A4GALT: variants seen among roughly 807,000 people sequenced by gnomAD.
A4GALT encodes the protein alpha 1,4-galactosyltransferase (P1PK blood group).
For missense variants in A4GALT, 512 were observed against 486.0 expected, an observed-to-expected ratio of 1.05 and a Z score of -0.50; for synonymous variants, 257 against 220.7, an observed-to-expected ratio of 1.16 and a Z score of -1.46.
chr22:42,702,359 C>T (rs6002913), intron 1 of A4GALT, among the ~76,000 whole-genome samples: 26,503 of 143,776 alleles, frequency 0.18, 5,597 homozygotes, highest in African/African-American at 0.53. Context: ...TTTTTTTTCA[C>T]AGATGGAGTC....
chr22:42,716,020 T>G (rs772617472), intron 1 of A4GALT, among the ~76,000 whole-genome samples: 22 of 151,934 alleles, frequency 1.4e-4, no homozygotes, highest in Admixed American at 3.3e-4. Flanking sequence ...TTAGTAGAGA[T>G]AGGGTTTCTC....
chr22:42,704,899 G>A (rs113920049), intron 1 of A4GALT, among the ~76,000 whole-genome samples: 1 of 151,256 alleles, frequency 6.6e-6, no homozygotes, highest in Non-Finnish European at 1.5e-5. Context: ...CGGCGGAGGC[G>A]GGGGAGCTCA....
intron 1 of A4GALT, among the ~76,000 whole-genome samples, chr22:42,720,031 C>T (rs1178826970): frequency 6.6e-6 from 1 of 152,174 alleles, no homozygotes; most frequent in Non-Finnish European, 1.5e-5. Context: ...GGGGACTCGC[C>T]CTGGCAGTGA....
Position 42,693,025 on chromosome 22 carries a change from A to C in A4GALT, c.927T>G (p.Ser309Arg). Reference protein sequence around the residue: ...INPEELPRLLSATYAVHVWNK... With the variant: ...INPEELPRLLRATYAVHVWNK... ...TCCACACGTGGACAGCATAGGTGGC[A>C]CTGAGCAGCCGCGGCAGCTCCTCGG... is the stretch of plus-strand genomic sequence containing the variant. The change falls in exon 3 of 3, where the codon AGT becomes AGG. Residue 309 changes from serine to arginine, a missense_variant. Ser to Arg is a moderately radical substitution (Grantham distance 110, BLOSUM62 -1). Transcript: ENST00000642412. The C allele has an allele frequency of 1.2e-6, 2 of 1,613,716 alleles. No homozygotes were observed. Among genetic ancestry groups the C allele is most frequent in the Non-Finnish European group, 1.7e-6 (2 of 1,179,952 alleles).
chr22:42,707,245 A>G (rs1921226527), intron 1 of A4GALT, among the ~76,000 whole-genome samples: 1 of 152,216 alleles, frequency 6.6e-6, no homozygotes, highest in Non-Finnish European at 1.5e-5. Flanking sequence ...AATGTCAATA[A>G]CATCCAAAAA....
chr22:42,712,230 T>C (rs1434720417), intron 1 of A4GALT, among the ~76,000 whole-genome samples: 1 of 152,166 alleles, frequency 6.6e-6, no homozygotes, highest in Non-Finnish European at 1.5e-5. Flanking sequence ...GGGGCTGGCT[T>C]CTCAGGGGCA....
intron 1 of A4GALT, among the ~76,000 whole-genome samples, chr22:42,716,175 C>T (rs1033722104): frequency 3.9e-5 from 6 of 152,096 alleles, no homozygotes; most frequent in African/African-American, 1.4e-4. Flanking sequence ...CCCTAACCTG[C>T]TCTCTCCCAC....
At chr22:42,718,092 A>G (rs562603708) in intron 1 of A4GALT, among the ~76,000 whole-genome samples, 8 of 152,254 alleles carry the variant, frequency 5.3e-5, no homozygotes, top group African/African-American at 1.9e-4. Context: ...AGAGCCAAAT[A>G]TATTTTTAAA....
intron 1 of A4GALT, among the ~76,000 whole-genome samples, chr22:42,716,955 T>A (rs738527): frequency 6.6e-6 from 1 of 152,082 alleles, no homozygotes; most frequent in African/African-American, 2.4e-5. Context: ...CCTGGCTCCC[T>A]GTCTGCCAGC....
In A4GALT at chr22:42,693,513, G is replaced by A. The variant is rs753279376; in HGVS notation, c.439C>T (p.Arg147Trp). The change falls in exon 3 of 3, where the codon CGG becomes TGG. Residue 147 changes from arginine to tryptophan, a missense_variant. Transcript: ENST00000642412. Reference protein sequence around the residue: ...PNVQMLPLDLRELFRDTPLAD... With the variant: ...PNVQMLPLDLWELFRDTPLAD... ...AGGGGTGTGTCCCGGAACAGCTCCC[G>A]CAGGTCCAGCGGGAGCATCTGGACA... The A allele has an allele frequency of 6.8e-6, 11 of 1,613,092 alleles. No individual in the cohort carries two copies. In the East Asian group the frequency reaches 8.9e-5, roughly 13 times the overall value.
chr22:42,694,828 T>C (rs1334732300), intron 2 of A4GALT: 1 of 152,126 alleles, frequency 6.6e-6, no homozygotes, highest in Non-Finnish European at 1.5e-5. Context: ...CATTCATTCA[T>C]TCATAGTTCG....
In A4GALT at chr22:42,693,852, C is replaced by CGAAAAACGT. The variant is rs751576287; in HGVS notation, c.91_99dup (p.Thr31_Phe33dup). The CGAAAAACGT allele has an allele frequency of 1.2e-6, 2 of 1,610,348 alleles. No individual in the cohort carries two copies. The highest frequency in any genetic ancestry group is 1.7e-6 in the Non-Finnish European group (2 of 1,178,768). ...ACGTGCCAGTAGATCATGATGGAGA[C>CGAAAAACGT]GAAAAACGTGAACTTGAAGCCGATG... On this transcript the variant is annotated inframe_insertion, in exon 3 of 3. Coordinates refer to ENST00000642412, the MANE Select transcript of A4GALT (RefSeq NM_017436.7).
intron 1 of A4GALT, among the ~76,000 whole-genome samples, chr22:42,697,486 A>G (rs924195405): frequency 4.8e-4 from 73 of 152,164 alleles, no homozygotes; most frequent in African/African-American, 1.6e-3. Flanking sequence ...CAGCAGCAGG[A>G]GCCTCTGCCC....
chr22:42,695,829 C>A (rs1930885527), intron 1 of A4GALT, among the ~76,000 whole-genome samples, 198 bp from the exon 2 acceptor site: 1 of 152,132 alleles, frequency 6.6e-6, no homozygotes. Context: ...CAGACACAGC[C>A]TTTCCCTAAA....
chr22:42,716,057 C>T (rs1009306910), intron 1 of A4GALT, among the ~76,000 whole-genome samples: 4 of 152,266 alleles, frequency 2.6e-5, no homozygotes, highest in African/African-American at 9.6e-5. Flanking sequence ...GTCTCGAACT[C>T]CCGACCTCAG....
At chr22:42,718,752 T>C (rs1488842369) in intron 1 of A4GALT, among the ~76,000 whole-genome samples, 1 of 152,138 alleles carries the variant, frequency 6.6e-6, no homozygotes, top group African/African-American at 2.4e-5. Context: ...GGTCCTTCCC[T>C]CCAGGAGCTT....
chr22:42,695,272 G>A (rs1192592196), intron 2 of A4GALT: 1 of 152,212 alleles, frequency 6.6e-6, no homozygotes, highest in African/African-American at 2.4e-5. Flanking sequence ...TTCTACTTTA[G>A]GTGCCAGGAA....
At position 42,692,922 on chromosome 22, in the gene A4GALT, T is replaced by TG. The variant is rs387906280; in HGVS notation, c.1029dup (p.Thr344HisfsTer103). The TG allele has an allele frequency of 6.2e-6, 10 of 1,607,726 alleles. No individual in the cohort carries two copies. The East Asian group carries it at 2.0e-4, about 32-fold the overall frequency. On this transcript the variant is annotated frameshift_variant, in exon 3 of 3. Transcript: ENST00000642412. LOFTEE classifies it high-confidence loss of function. The surrounding 1 kb of genome is among the most constrained non-coding windows in gnomAD (Gnocchi z 4.6). ...TACATTTTCATGGCCTCGTGCGTCG[T>TG]GGGGCAGTAGCGGGCATGCAGCTGG...
chr22:42,703,055 T>C (rs1481470718), intron 1 of A4GALT, among the ~76,000 whole-genome samples: 6 of 135,222 alleles, frequency 4.4e-5, no homozygotes, highest in South Asian at 2.1e-4. Flanking sequence ...CATGCTGCCC[T>C]GCTGTGTGTG....
Sources: allele counts gnomAD v4.1 joint callset (sites outside exome capture counted in the v4.1 genomes callset), GRCh38; gene constraint gnomAD v4.1.1; non-coding constraint Gnocchi (gnomAD v3.1); transcripts MANE v1.5; gene names NCBI Gene and HGNC (gene_info 2026-07-23, HGNC 2026-07-21).